The following PLCXD3 variants were observed in gnomAD, a reference collection of about 807,000 sequenced individuals.
PLCXD3 encodes PI-PLC X domain-containing protein 3.
Under a neutral mutation model 25.5 loss-of-function variants are expected in PLCXD3, and 19 were observed. The ratio of observed to expected loss-of-function variants is 0.75; its 90% CI spans 0.52 to 1.09. The LOEUF (loss-of-function observed/expected upper bound fraction) is 1.09. Ranked by LOEUF, PLCXD3 falls within the 50% of genes least tolerant of loss-of-function variation. The probability of loss-of-function intolerance (pLI) is 0.00; values close to 1 mark genes in which losing one functional copy is unlikely to be tolerated. For synonymous variants in PLCXD3, 174 were observed against 137.6 expected (o/e 1.26, Z -1.85); for missense variants, 411 against 388.1 (o/e 1.06, Z -0.50).
At position 41,348,006 on chromosome 5, in the gene PLCXD3, T is replaced by C. The variant is rs10064427; in HGVS notation, c.812+33820A>G. ...AAAACACTAAGTAAAAATAGTTCAGTGGAGATTTTTTAGAGATGTTCTCTG... is the reference window on the plus strand; with the variant it reads ...AAAACACTAAGTAAAAATAGTTCAGCGGAGATTTTTTAGAGATGTTCTCTG... On this transcript the variant is annotated intron_variant, in intron 2 of 2. Transcript: ENST00000377801. Among the ~76,000 whole-genome samples the C allele has an allele frequency of 4.0e-3, 602 of 152,300 alleles. 2 individuals are homozygous for C. The highest frequency in any genetic ancestry group is 0.014 in the African/African-American group (583 of 41,550).
rs1394556939 is a variant in PLCXD3, at chr5:41,313,420, G to T, written c.*197C>A. The T allele has an allele frequency of 1.2e-5, 6 of 504,462 alleles. No homozygotes were observed. The highest frequency in any genetic ancestry group is 1.7e-5 in the Non-Finnish European group (5 of 299,932). 31.2% of individuals were successfully genotyped at this position (504,462 alleles called of 1,614,324 possible). A position where few individuals can be genotyped will look rare whatever the true frequency, so the allele number is the denominator to read the frequency against. On this transcript the variant is annotated 3_prime_UTR_variant, in exon 3 of 3. Transcript: ENST00000377801. ...TAGAAGTAGATTTTGCTCATCAAAT[G>T]GGAAATGAAATATTTATAGTAATGA...
intron 2 of PLCXD3, among the ~76,000 whole-genome samples, chr5:41,350,742 G>A (rs977181030): frequency 3.9e-5 from 6 of 152,138 alleles, no homozygotes; most frequent in Non-Finnish European, 5.9e-5. Flanking sequence ...GCTTTATGAA[G>A]TACAGTAATT....
chr5:41,472,970 G>A (rs1748198726), intron 1 of PLCXD3, among the ~76,000 whole-genome samples: 1 of 152,024 alleles, frequency 6.6e-6, no homozygotes, highest in African/African-American at 2.4e-5. Context: ...ACCACATCAA[G>A]TTTGTGGCTA....
At chr5:41,497,090 C>A (rs1748858793) in intron 1 of PLCXD3, among the ~76,000 whole-genome samples, 1 of 150,698 alleles carries the variant, frequency 6.6e-6, no homozygotes, top group African/African-American at 2.4e-5. Flanking sequence ...AAAAAAAAAT[C>A]AGAGTATTAC....
intron 2 of PLCXD3, among the ~76,000 whole-genome samples, chr5:41,361,891 T>C (rs1443095804): frequency 2.6e-5 from 4 of 152,222 alleles, no homozygotes; most frequent in Admixed American, 2.6e-4. Flanking sequence ...ATCAAAGCTC[T>C]CACAGATGAG....
In PLCXD3 at chr5:41,381,928, C is replaced by G; in HGVS notation, c.710G>C (p.Arg237Thr). Residue 237 changes from arginine to threonine, a missense_variant, in exon 2 of 3, where the codon AGA (arginine) becomes ACA (threonine). Physicochemically the swap from Arg to Thr is moderately conservative, Grantham distance 71. Coordinates refer to ENST00000377801, the MANE Select transcript of PLCXD3 (RefSeq NM_001005473.3). ...QFLQASITER[R>T]KKGSFFISQV... ...AGATATAAAAAACGATCCCTTCTTT[C>G]TTCTCTCAGTGATGGATGCTTGAAG... is the stretch of plus-strand genomic sequence containing the variant. 6.2e-7 allele frequency: 1 copy of G among 1,613,414 alleles called. No individual in the cohort carries two copies. Among genetic ancestry groups the G allele is most frequent in the Non-Finnish European group, 8.5e-7 (1 of 1,179,682 alleles).
chr5:41,506,462 G>A (rs746692989), intron 1 of PLCXD3, among the ~76,000 whole-genome samples: 1 of 152,166 alleles, frequency 6.6e-6, no homozygotes, highest in Non-Finnish European at 1.5e-5. Context: ...ATTCACTTCT[G>A]TATCACTATC....
chr5:41,384,947 A>G (rs1289359566), intron 1 of PLCXD3, among the ~76,000 whole-genome samples: 2 of 152,118 alleles, frequency 1.3e-5, no homozygotes, highest in Non-Finnish European at 2.9e-5. Flanking sequence ...TGTAAATATT[A>G]TTAGACAAGA....
intron 1 of PLCXD3, among the ~76,000 whole-genome samples, chr5:41,416,204 G>T (rs746820893): frequency 6.6e-6 from 1 of 151,926 alleles, no homozygotes; most frequent in Non-Finnish European, 1.5e-5. Context: ...TCCTATAATA[G>T]TTACCCTTCT....
rs1329381119 is a variant in PLCXD3, at chr5:41,310,820, T to A, written c.*2797A>T. 6.6e-6 allele frequency: 1 copy of A among 152,642 alleles called. No homozygotes were observed. Among genetic ancestry groups the A allele is most frequent in the African/African-American group, 2.4e-5 (1 of 41,456 alleles). 9.5% of individuals were successfully genotyped at this position (152,642 alleles called of 1,614,324 possible). ...CTAAGTGCCTGCTACATAGGCACTG[T>A]ATGTCCACATGGAAACCATAGCATT... On this transcript the variant is annotated 3_prime_UTR_variant, in exon 3 of 3. Coordinates refer to ENST00000377801, the MANE Select transcript of PLCXD3 (RefSeq NM_001005473.3).
rs573709697 is a variant in PLCXD3, at chr5:41,483,535, A to C, written c.103+26889T>G. On this transcript the variant is annotated intron_variant, in intron 1 of 2. Coordinates refer to ENST00000377801, the MANE Select transcript of PLCXD3 (RefSeq NM_001005473.3). ...TAAAGTGCTTTATAAGTGAAATAAA[A>C]ATTATTTTTAAAGTAATTTTTAAAT... is the stretch of plus-strand genomic sequence containing the variant. 1.1e-4 allele frequency among the ~76,000 whole-genome samples: 16 copies of C among 152,164 alleles called. 1 individual carries two copies. Among genetic ancestry groups the C allele is most frequent in the Admixed American group, 6.5e-4 (10 of 15,278 alleles).
chr5:41,319,979 T>C (rs1743416007), intron 2 of PLCXD3, among the ~76,000 whole-genome samples: 1 of 152,034 alleles, frequency 6.6e-6, no homozygotes, highest in Non-Finnish European at 1.5e-5. Flanking sequence ...TATGAGCAAC[T>C]ACATGCCAAT....
intron 1 of PLCXD3, among the ~76,000 whole-genome samples, chr5:41,409,112 A>T (rs1275255933): frequency 6.6e-6 from 1 of 152,224 alleles, no homozygotes; most frequent in Non-Finnish European, 1.5e-5. Context: ...AAGGAGGACA[A>T]GACAGTCTTG....
chr5:41,473,734 G>A (rs528871673), intron 1 of PLCXD3, among the ~76,000 whole-genome samples: 25 of 152,110 alleles, frequency 1.6e-4, no homozygotes, highest in Non-Finnish European at 3.4e-4. Context: ...GGGATCACAG[G>A]CGTGAGCCAC....
Position 41,510,582 on chromosome 5 carries a change from G to C in PLCXD3, c.-56C>G. 2.2e-6 allele frequency: 3 copies of C among 1,348,972 alleles called. No homozygotes were observed. The highest frequency in any genetic ancestry group is 3.1e-6 in the Non-Finnish European group (3 of 954,302). The allele number at this position is 1,348,972 out of a possible 1,614,324, so 83.6% of individuals were successfully genotyped here. A position where few individuals can be genotyped will look rare whatever the true frequency, so the allele number is the denominator to read the frequency against. ...CAGCACTCCTCGGGCAGGCTGGCAG[G>C]CTGCTGCCGCTAATCCAATGTTTGC... On this transcript the variant is annotated 5_prime_UTR_variant, in exon 1 of 3. Coordinates refer to ENST00000377801, the MANE Select transcript of PLCXD3 (RefSeq NM_001005473.3).
At chr5:41,336,733 C>T (rs1743992774) in intron 2 of PLCXD3, among the ~76,000 whole-genome samples, 1 of 152,126 alleles carries the variant, frequency 6.6e-6, no homozygotes, top group South Asian at 2.1e-4. Flanking sequence ...TGATTGATGT[C>T]TGGGGAGGGG....
rs1234971403 is a variant in PLCXD3, at chr5:41,308,489, C to T, written c.*5128G>A. The T allele has an allele frequency of 2.6e-5, 4 of 152,088 alleles. No individual in the cohort carries two copies. Among genetic ancestry groups the T allele is most frequent in the African/African-American group, 9.7e-5 (4 of 41,432 alleles). 9.4% of individuals were successfully genotyped at this position (152,088 alleles called of 1,614,324 possible). A position where few individuals can be genotyped will look rare whatever the true frequency, so the allele number is the denominator to read the frequency against. ...TCAGATCCAAGCCCAAAGAAGGTCA[C>T]AGAATTTTTGCTTCAAGCATGACCA... On this transcript the variant is annotated 3_prime_UTR_variant, in exon 3 of 3. Coordinates refer to ENST00000377801, the MANE Select transcript of PLCXD3 (RefSeq NM_001005473.3).
At chr5:41,367,597 T>G (rs1032213090) in intron 2 of PLCXD3, among the ~76,000 whole-genome samples, 4 of 152,206 alleles carry the variant, frequency 2.6e-5, no homozygotes, top group African/African-American at 9.6e-5. Context: ...GGTTGCCTGT[T>G]TACTCTGCTG....
chr5:41,361,155 A>G (rs1267655774), intron 2 of PLCXD3, among the ~76,000 whole-genome samples: 1 of 151,834 alleles, frequency 6.6e-6, no homozygotes, highest in Non-Finnish European at 1.5e-5. Context: ...GCCTCTTCTG[A>G]GTCATACAGG....
Sources: allele counts gnomAD v4.1 joint callset (sites outside exome capture counted in the v4.1 genomes callset), GRCh38; gene constraint gnomAD v4.1.1; transcripts MANE v1.5; gene names NCBI Gene and HGNC (gene_info 2026-07-23, HGNC 2026-07-21).